TTK: variants seen among roughly 807,000 people sequenced by gnomAD.
The protein encoded by TTK is TTK protein kinase, also known as dual specificity protein kinase TTK.
Under a neutral mutation model 117.3 loss-of-function variants are expected in TTK, and 59 were observed. The ratio of observed to expected loss-of-function variants is 0.50; its 90% CI spans 0.41 to 0.62. The LOEUF is 0.62. Ranked by LOEUF, TTK falls within the 20% of genes least tolerant of loss-of-function variation. The probability of loss-of-function intolerance (pLI) is 0.00; values close to 1 mark genes in which losing one functional copy is unlikely to be tolerated. For synonymous variants in TTK, 302 were observed against 325.0 expected (o/e 0.93, Z 0.76); for missense variants, 921 against 989.4 (o/e 0.93, Z 0.93).
rs1246082305 is a variant in TTK, at chr6:80,040,668, C to T, written c.2455C>T (p.Leu819=). 12 of 1,611,662 alleles carry T rather than the reference C, an allele frequency of 7.4e-6. No individual in the cohort carries two copies. The highest frequency in any genetic ancestry group is 1.0e-5 in the Non-Finnish European group (12 of 1,178,496). ...MKYVLGQLVG[L]NSPNSILKAA... ...ATATGTTCTGGGCCAACTTGTTGGT[C>T]TGAATTCTCCTAACTCCATTTTGAA... The change falls in exon 21 of 22, where the codon CTG becomes TTG. Residue 819 remains leucine, a synonymous_variant. Transcript: ENST00000369798.
In TTK at chr6:80,014,502, G is replaced by C; in HGVS notation, c.1024G>C (p.Asp342His). 3 of 1,609,954 alleles carry C rather than the reference G, an allele frequency of 1.9e-6. No homozygotes were observed. Among genetic ancestry groups the C allele is most frequent in the Non-Finnish European group, 2.5e-6 (3 of 1,177,952 alleles). The part of the protein sequence containing the change: ...NSHFKEPLVS[D>H]EKSSELIITD... Reference sequence around the variant, plus strand: ...TCATTTCAAGGAACCTCTGGTGTCAGATGAAAAGAGTTCTGAACTTATTAT... The same window carrying C: ...TCATTTCAAGGAACCTCTGGTGTCACATGAAAAGAGTTCTGAACTTATTAT... Residue 342 changes from aspartate (D) to histidine (H), a missense_variant, in exon 10 of 22, where the codon GAT becomes CAT. Transcript: ENST00000369798.
intron 4 of TTK, among the ~76,000 whole-genome samples, chr6:80,010,379 T>G (rs1486799988): frequency 1.3e-5 from 2 of 151,280 alleles, no homozygotes; most frequent in Non-Finnish European, 3.0e-5. Context: ...CTTAACTAAA[T>G]GTCATTATGA....
At chr6:80,006,482 T>G (rs1057137431) in intron 2 of TTK, among the ~76,000 whole-genome samples, 1 of 152,184 alleles carries the variant, frequency 6.6e-6, no homozygotes, top group Non-Finnish European at 1.5e-5. Flanking sequence ...AGTATAATTG[T>G]GCTTAATTAT....
intron 10 of TTK, among the ~76,000 whole-genome samples, chr6:80,019,691 A>AAAT (rs1767406714): frequency 6.6e-6 from 1 of 152,206 alleles, no homozygotes; most frequent in Non-Finnish European, 1.5e-5. Flanking sequence ...GATAACTCAG[A>AAAT]AGATTGAGCT....
intron 3 of TTK, 50 bp from the exon 4 acceptor site, chr6:80,008,336 A>G: frequency 6.5e-7 from 1 of 1,540,816 alleles, no homozygotes. Context: ...TATCAAATTT[A>G]AGTAGCTATG....
intron 20 of TTK, 26 bp from the exon 21 acceptor site, chr6:80,040,580 T>C: frequency 1.3e-6 from 2 of 1,588,030 alleles, no homozygotes; most frequent in South Asian, 1.1e-5. Flanking sequence ...TTACTGGTAC[T>C]AGTGTATTAT....
intron 18 of TTK, among the ~76,000 whole-genome samples, chr6:80,039,354 AT>A (rs1423902898): frequency 2.7e-5 from 4 of 148,706 alleles, no homozygotes; most frequent in Non-Finnish European, 5.9e-5. Flanking sequence ...TTGTACTTAT[AT>A]AAAAATTTAT....
At position 80,027,952 on chromosome 6, in the gene TTK, C is replaced by T; in HGVS notation, c.1462C>T (p.Pro488Ser). Residue 488 changes from proline (P) to serine (S), a missense_variant, in exon 13 of 22, where the codon CCT becomes TCT. Pro to Ser is a moderately conservative substitution (Grantham distance 74). Transcript: ENST00000369798. ...TCAGTTGTCAACACCTTATGGCCAA[C>T]CTGCCTGTTTCCAGCAGCAACAGCA... ...ACQLSTPYGQPACFQQQQHQI... is the reference protein window; with the variant it reads ...ACQLSTPYGQSACFQQQQHQI... 1.2e-6 allele frequency: 2 copies of T among 1,608,198 alleles called. No homozygotes were observed. Among genetic ancestry groups the T allele is most frequent in the Non-Finnish European group, 1.7e-6 (2 of 1,176,558 alleles).
chr6:80,004,794 G>C (rs1220949484), intron 1 of TTK, 81 bp downstream of exon 1: 1 of 151,848 alleles, frequency 6.6e-6, no homozygotes, highest in Non-Finnish European at 1.5e-5. Flanking sequence ...GCGCTGGTCG[G>C]TGAGGGGTGG....
At chr6:80,010,403 T>C (rs961432413) in intron 4 of TTK, among the ~76,000 whole-genome samples, 2 of 150,912 alleles carry the variant, frequency 1.3e-5, no homozygotes, top group Non-Finnish European at 3.0e-5. Flanking sequence ...ATACTTATTA[T>C]AGCATGTTGT....
chr6:80,026,724 A>G (rs1767618605), intron 12 of TTK, among the ~76,000 whole-genome samples: 5 of 152,214 alleles, frequency 3.3e-5, no homozygotes, highest in Admixed American at 2.0e-4. Context: ...ATTGTTGTGC[A>G]TGTAGTTTCT....
intron 10 of TTK, among the ~76,000 whole-genome samples, chr6:80,018,716 C>G (rs1767380759): frequency 1.3e-5 from 2 of 151,800 alleles, no homozygotes; most frequent in South Asian, 2.1e-4. Context: ...GCTATGACCT[C>G]CAGTATAACA....
intron 7 of TTK, 30 bp downstream of exon 7, chr6:80,011,831 G>A: frequency 6.2e-7 from 1 of 1,612,210 alleles, no homozygotes; most frequent in Non-Finnish European, 8.5e-7. Context: ...CTTGATTAAG[G>A]TGGTGATAGT....
intron 1 of TTK, among the ~76,000 whole-genome samples, chr6:80,005,454 A>G (rs1209888773): frequency 1.3e-5 from 2 of 152,230 alleles, no homozygotes; most frequent in African/African-American, 4.8e-5. Context: ...AGGAATTGTT[A>G]TTCCCATTGC....
At chr6:80,032,332 T>G (rs1479251538) in intron 14 of TTK, among the ~76,000 whole-genome samples, 1 of 152,182 alleles carries the variant, frequency 6.6e-6, no homozygotes. Flanking sequence ...ACCTATTGTC[T>G]TCTTCGTGTT....
At chr6:80,026,811 A>G (rs1354423365) in intron 12 of TTK, among the ~76,000 whole-genome samples, 1 of 152,218 alleles carries the variant, frequency 6.6e-6, no homozygotes, top group East Asian at 1.9e-4. Flanking sequence ...GTATTGCCAT[A>G]CAGATATCTC....
intron 17 of TTK, among the ~76,000 whole-genome samples, chr6:80,037,201 G>A (rs564090940): frequency 4.6e-5 from 7 of 152,212 alleles, no homozygotes; most frequent in South Asian, 2.1e-4. Flanking sequence ...CATGTTTACA[G>A]ATTTTTGATG....
Position 80,031,503 on chromosome 6 carries a change from G to T in TTK, c.1558G>T (p.Val520Phe). 6.6e-7 allele frequency: 1 copy of T among 1,521,122 alleles called. No homozygotes were observed. The allele number at this position is 1,521,122 out of a possible 1,614,324, so 94.2% of individuals were successfully genotyped here. ...TTCTTCAGCAAATGAATGCATTTCG[G>T]TTAAAGGAAGAATTTATTCCATATT... Reference protein sequence around the residue: ...ASSSANECISVKGRIYSILKQ... With the variant: ...ASSSANECISFKGRIYSILKQ... Residue 520 changes from valine (V) to phenylalanine (F), a missense_variant, in exon 14 of 22, where the codon GTT becomes TTT. Val to Phe is a conservative substitution (Grantham distance 50). Transcript: ENST00000369798.
rs574477856 is a variant in TTK at position 80,007,287 on chromosome 6, A to G, written c.140-522A>G. ...TGTCTCATTTGTTTATTTTTTGTAA[A>G]GCTGGTTTGGTTTTACAAGTAAGTA... is the stretch of plus-strand genomic sequence containing the variant. On this transcript the variant is annotated intron_variant, in intron 2 of 21. Transcript: ENST00000369798. 4.1e-4 allele frequency among the ~76,000 whole-genome samples: 62 copies of G among 152,236 alleles called. 1 individual carries two copies. The highest frequency in any genetic ancestry group is 3.4e-3 in the Middle Eastern group (1 of 294).
Sources: allele counts gnomAD v4.1 joint callset (sites outside exome capture counted in the v4.1 genomes callset), GRCh38; gene constraint gnomAD v4.1.1; transcripts MANE v1.5; gene names NCBI Gene and HGNC (gene_info 2026-07-23, HGNC 2026-07-21).